SSUH2: variants seen among roughly 807,000 people sequenced by gnomAD.
SSUH2 encodes ssu-2 homolog, also known as protein SSUH2 homolog.
SSUH2 carries 47 observed loss-of-function variants against 55.3 expected under a neutral mutation model. The ratio of observed to expected loss-of-function variants is 0.85; its 90% CI spans 0.67 to 1.08. SSUH2 has a LOEUF of 1.08. SSUH2 is among the 50% of genes least tolerant of loss of function. The pLI is 0.00. For synonymous variants in SSUH2, 212 were observed against 191.5 expected, an observed-to-expected ratio of 1.11 and a Z score of -0.89; for missense variants, 535 against 490.7, an observed-to-expected ratio of 1.09 and a Z score of -0.85.
chr3:8,640,732 A>T (rs1351185515), intron 1 of SSUH2, among the ~76,000 whole-genome samples: 1 of 152,212 alleles, frequency 6.6e-6, no homozygotes, highest in African/African-American at 2.4e-5. Context: ...TTGAAAAAAT[A>T]TTTGGGGAAG....
chr3:8,623,745 G>T, intron 10 of SSUH2, 89 bp from the exon 11 acceptor site: 1 of 651,402 alleles, frequency 1.5e-6, no homozygotes, highest in Non-Finnish European at 2.7e-6. Context: ...CAGAGCCAGA[G>T]CCAGACAGAG....
chr3:8,640,379 C>T (rs571441075), intron 1 of SSUH2, among the ~76,000 whole-genome samples: 20 of 152,266 alleles, frequency 1.3e-4, no homozygotes, highest in African/African-American at 4.3e-4. Flanking sequence ...GACCAGAAAA[C>T]CTGATCATAT....
At position 8,678,623 on chromosome 3, in the gene SSUH2, CGGCTTT is replaced by C. The variant is rs1559564769; in HGVS notation, c.-901+1076_-901+1081del. Among the ~76,000 whole-genome samples the C allele has an allele frequency of 6.3e-5, 4 of 63,676 alleles. 1 individual carries two copies. Among genetic ancestry groups the C allele is most frequent in the Non-Finnish European group, 1.0e-4 (3 of 29,538 alleles). The allele number at this position is 63,676 out of a possible 152,430, so 41.8% of individuals were successfully genotyped here. ...CTGAGAGCCAGCCCTTCTTCCCCCC[CGGCTTT>C]TGGGACCCCCATCGCAGTGGGGGGA... On this transcript the variant is annotated intron_variant, in intron 2 of 18. Transcript: ENST00000317371.
intron 3 of SSUH2, among the ~76,000 whole-genome samples, chr3:8,673,851 G>A (rs1704903994): frequency 6.6e-6 from 1 of 152,294 alleles, no homozygotes; most frequent in South Asian, 2.1e-4. Flanking sequence ...AGCTCAAAAG[G>A]CCACAAACGT....
intron 11 of SSUH2, among the ~76,000 whole-genome samples, chr3:8,620,680 A>G (rs150296071): frequency 6.6e-6 from 1 of 152,210 alleles, no homozygotes; most frequent in East Asian, 1.9e-4. Context: ...GGGTGTACGG[A>G]AAGTCACCAA....
chr3:8,658,588 A>G (rs963814571), intron 7 of SSUH2, among the ~76,000 whole-genome samples: 1 of 152,168 alleles, frequency 6.6e-6, no homozygotes, highest in Non-Finnish European at 1.5e-5. Context: ...GGTGGTTTAC[A>G]CACTCGTTGG....
intron 7 of SSUH2, among the ~76,000 whole-genome samples, chr3:8,652,932 T>G (rs1702569338): frequency 6.6e-6 from 1 of 152,182 alleles, no homozygotes; most frequent in Non-Finnish European, 1.5e-5. Context: ...TCAGGCCATC[T>G]CCCTGGGAGT....
chr3:8,634,668 C>T (rs1699602312), intron 3 of SSUH2: 1 of 1,078,952 alleles, frequency 9.3e-7, no homozygotes, highest in Non-Finnish European at 1.3e-6. Context: ...AGTGGGTGTC[C>T]ATGGAGGAGA....
intron 7 of SSUH2, among the ~76,000 whole-genome samples, chr3:8,650,470 T>C (rs187129123): frequency 3.5e-4 from 54 of 152,330 alleles, no homozygotes; most frequent in Non-Finnish European, 1.6e-4. Context: ...TGCAGGGACT[T>C]TATCTTCCCA....
intron 1 of SSUH2, among the ~76,000 whole-genome samples, chr3:8,639,419 G>A (rs989525739): frequency 2.0e-5 from 3 of 152,150 alleles, no homozygotes; most frequent in Non-Finnish European, 2.9e-5. Flanking sequence ...GCTCACACAC[G>A]CATGGCAGAG....
intron 6 of SSUH2, among the ~76,000 whole-genome samples, chr3:8,662,190 C>A (rs76767349): frequency 6.6e-6 from 1 of 152,308 alleles, no homozygotes; most frequent in African/African-American, 2.4e-5. Context: ...GTTTGTTATG[C>A]AAAGATAACA....
intron 3 of SSUH2, among the ~76,000 whole-genome samples, chr3:8,675,177 C>G (rs1241784754): frequency 6.6e-6 from 1 of 152,166 alleles, no homozygotes; most frequent in Non-Finnish European, 1.5e-5. Flanking sequence ...CAGCTGAGGA[C>G]AGCTGGTTCA....
intron 7 of SSUH2, among the ~76,000 whole-genome samples, chr3:8,650,847 G>C (rs536458920): frequency 1.2e-4 from 18 of 152,344 alleles, no homozygotes; most frequent in African/African-American, 3.6e-4. Flanking sequence ...CAGATGCCCA[G>C]CCTGGGGGCT....
chr3:8,625,438 T>A, intron 10 of SSUH2, 104 bp downstream of exon 10: 1 of 696,482 alleles, frequency 1.4e-6, no homozygotes, highest in East Asian at 2.7e-5. Context: ...ACACAACCTG[T>A]CCTTCCAAGG....
At chr3:8,623,933 G>A (rs962924830) in intron 10 of SSUH2, among the ~76,000 whole-genome samples, 8 of 152,242 alleles carry the variant, frequency 5.3e-5, no homozygotes, top group African/African-American at 1.4e-4. Flanking sequence ...ACCATGGCTG[G>A]TGTGGTCCCC....
chr3:8,656,125 AAGAG>A (rs1270548637), intron 7 of SSUH2, among the ~76,000 whole-genome samples: 1 of 152,232 alleles, frequency 6.6e-6, no homozygotes, highest in Non-Finnish European at 1.5e-5. Flanking sequence ...CAAAAAGAGA[AAGAG>A]AGAGACCAGG....
chr3:8,648,747 G>T (rs190260067), upstream of SSUH2, among the ~76,000 whole-genome samples: 3 of 152,114 alleles, frequency 2.0e-5, no homozygotes, highest in Admixed American at 6.5e-5. Flanking sequence ...CCAAAACACA[G>T]GTGGGGAAAT....
chr3:8,634,399 G>A (rs1206866117), intron 3 of SSUH2: 2 of 1,291,190 alleles, frequency 1.5e-6, no homozygotes, highest in Admixed American at 4.6e-5. Flanking sequence ...CCCCCTTACT[G>A]AAGTCTTTCT....
At chr3:8,665,460 C>A in intron 5 of SSUH2, among the ~76,000 whole-genome samples, 1 of 151,980 alleles carries the variant, frequency 6.6e-6, no homozygotes, top group Non-Finnish European at 1.5e-5. Context: ...TGTTTGGACC[C>A]GAAACTCAAA....
Sources: gnomAD v4.1 joint callset for allele counts (sites outside exome capture counted in the v4.1 genomes callset) on GRCh38, gnomAD v4.1.1 for gene constraint, MANE v1.5 for transcripts, NCBI Gene and HGNC (gene_info 2026-07-23, HGNC 2026-07-21) for gene names.